Variants in TECRL observed in about 807,000 individuals in gnomAD.
The protein encoded by TECRL is trans-2,3-enoyl-CoA reductase-like.
A neutral mutation model predicts 52.8 loss-of-function variants in TECRL; 63 were observed. The ratio of observed to expected loss-of-function variants is 1.19; its 90% CI spans 0.97 to 1.47. TECRL has a LOEUF of 1.47. Among genes scored for constraint, TECRL ranks in the 40% most tolerant of loss-of-function variants. The probability of loss-of-function intolerance (pLI) is 0.00; values close to 1 mark genes in which losing one functional copy is unlikely to be tolerated. For missense variants in TECRL, 482 were observed against 429.6 expected, an observed-to-expected ratio of 1.12 and a Z score of -1.08; for synonymous variants, 164 against 141.9, an observed-to-expected ratio of 1.16 and a Z score of -1.10.
At chr4:64,310,404 A>G (rs1450888783) in intron 5 of TECRL, among the ~76,000 whole-genome samples, 1 of 152,036 alleles carries the variant, frequency 6.6e-6, no homozygotes, top group African/African-American at 2.4e-5. Flanking sequence ...TTTAAATTGC[A>G]TTTTCTGTGC....
chr4:64,400,682 C>A (rs1183963126), intron 1 of TECRL, among the ~76,000 whole-genome samples: 3 of 152,014 alleles, frequency 2.0e-5, no homozygotes. Flanking sequence ...TGAGTGAGTT[C>A]TTGCAGGATC....
intron 4 of TECRL, among the ~76,000 whole-genome samples, chr4:64,314,997 T>A (rs1717390414): frequency 6.6e-6 from 1 of 152,150 alleles, no homozygotes; most frequent in Admixed American, 6.5e-5. Flanking sequence ...AACTGGTTTC[T>A]TTCTTCAGAT....
intron 2 of TECRL, among the ~76,000 whole-genome samples, chr4:64,330,015 A>C (rs1718527674): frequency 6.6e-6 from 1 of 151,170 alleles, no homozygotes; most frequent in East Asian, 1.9e-4. Flanking sequence ...GTACTATTTT[A>C]CTGTACTATT....
intron 1 of TECRL, 115 bp downstream of exon 1, chr4:64,409,003 G>T: frequency 3.1e-6 from 3 of 964,510 alleles, no homozygotes; most frequent in Non-Finnish European, 3.0e-6. Context: ...TAAGGTAAAA[G>T]TCAGAAATGT....
chr4:64,316,362 A>C (rs1221207376), intron 4 of TECRL, among the ~76,000 whole-genome samples: 1 of 152,132 alleles, frequency 6.6e-6, no homozygotes, highest in African/African-American at 2.4e-5. Flanking sequence ...TAGAAGGCTT[A>C]ATATTTTATA....
At chr4:64,399,603 C>T (rs1469676744) in intron 1 of TECRL, among the ~76,000 whole-genome samples, 1 of 152,158 alleles carries the variant, frequency 6.6e-6, no homozygotes, top group Non-Finnish European at 1.5e-5. Context: ...GTTTTGAGCC[C>T]TGCTGCCTTG....
intron 1 of TECRL, among the ~76,000 whole-genome samples, chr4:64,407,648 C>T (rs745978064): frequency 4.6e-5 from 7 of 151,764 alleles, no homozygotes; most frequent in Non-Finnish European, 7.4e-5. Context: ...AAATCCTTGA[C>T]TTATTTGATT....
chr4:64,281,523 G>T lies in TECRL; in HGVS notation c.869C>A (p.Pro290His). 6.2e-7 allele frequency: 1 copy of T among 1,604,408 alleles called. No individual in the cohort carries two copies. The highest frequency in any genetic ancestry group is 8.5e-7 in the Non-Finnish European group (1 of 1,174,896). ...AACCAGGAAAAACATCCATGTGAAG[G>T]GGTTATAATTTGGACTTGGGAAACA... ...NACFPSPNYN[P>H]FTWMFFLVSC... The change falls in exon 10 of 12, where the codon CCC becomes CAC. Residue 290 changes from proline to histidine, a missense_variant. Transcript: ENST00000381210.
intron 1 of TECRL, among the ~76,000 whole-genome samples, chr4:64,387,325 G>C (rs754901954): frequency 1.2e-4 from 18 of 152,048 alleles, no homozygotes; most frequent in Non-Finnish European, 2.4e-4. Flanking sequence ...AAGACATCTT[G>C]GTTGTTTGCA....
At chr4:64,309,189 C>T (rs62408512) in intron 6 of TECRL, among the ~76,000 whole-genome samples, 4 of 151,956 alleles carry the variant, frequency 2.6e-5, no homozygotes, top group Non-Finnish European at 4.4e-5. Context: ...TGTTCTGTTG[C>T]GATATTACAA....
chr4:64,335,815 G>A (rs975070786), intron 2 of TECRL, among the ~76,000 whole-genome samples: 3 of 152,080 alleles, frequency 2.0e-5, no homozygotes, highest in Non-Finnish European at 4.4e-5. Flanking sequence ...AAAAATATTT[G>A]TTTTCTTGAT....
At chr4:64,359,515 T>TA (rs59405475) in intron 2 of TECRL, among the ~76,000 whole-genome samples, 28 of 151,228 alleles carry the variant, frequency 1.9e-4, no homozygotes, top group African/African-American at 6.8e-4. Flanking sequence ...TGATGATTAT[T>TA]AAAAAAAAAA....
chr4:64,303,891 T>C (rs112971125), intron 7 of TECRL, among the ~76,000 whole-genome samples: 1,528 of 151,974 alleles, frequency 0.01, 25 homozygotes, highest in African/African-American at 0.035. Flanking sequence ...CTATAATATG[T>C]TTTCACAGAA....
intron 8 of TECRL, among the ~76,000 whole-genome samples, chr4:64,299,441 T>A: frequency 6.6e-6 from 1 of 151,142 alleles, no homozygotes; most frequent in East Asian, 1.9e-4. Flanking sequence ...AATTAATGCA[T>A]TTTAGAAATA....
chr4:64,407,354 T>C (rs1283171937), intron 1 of TECRL, among the ~76,000 whole-genome samples: 1 of 152,056 alleles, frequency 6.6e-6, no homozygotes, highest in Non-Finnish European at 1.5e-5. Flanking sequence ...ATTTCATTTC[T>C]TCTAAATGTT....
chr4:64,370,034 G>A (rs1473667517), intron 2 of TECRL, among the ~76,000 whole-genome samples: 2 of 151,590 alleles, frequency 1.3e-5, no homozygotes. Context: ...ATTAAGTGGA[G>A]GGTTTTAAAC....
At chr4:64,317,991 A>G (rs1277289661) in intron 4 of TECRL, among the ~76,000 whole-genome samples, 1 of 152,198 alleles carries the variant, frequency 6.6e-6, no homozygotes, top group Admixed American at 6.5e-5. Context: ...CTGTCTCCAC[A>G]GATTCTAAAG....
chr4:64,361,538 G>A (rs985476705), intron 2 of TECRL, among the ~76,000 whole-genome samples: 1 of 152,132 alleles, frequency 6.6e-6, no homozygotes, highest in Non-Finnish European at 1.5e-5. Flanking sequence ...AGAGGTCAAA[G>A]AACAAAGCTG....
chr4:64,371,844 AT>A (rs569269113), intron 2 of TECRL, among the ~76,000 whole-genome samples: 76 of 151,894 alleles, frequency 5.0e-4, no homozygotes, highest in African/African-American at 1.7e-3. Context: ...ATTTGCTATG[AT>A]TTTATTTTTC....
Sources: gnomAD v4.1 joint callset for allele counts (sites outside exome capture counted in the v4.1 genomes callset) on GRCh38, gnomAD v4.1.1 for gene constraint, MANE v1.5 for transcripts, NCBI Gene and HGNC (gene_info 2026-07-23, HGNC 2026-07-21) for gene names.